AGMO: variants seen among roughly 807,000 people sequenced by gnomAD.
AGMO encodes alkylglycerol monooxygenase.
A neutral mutation model predicts 60.2 loss-of-function variants in AGMO; 75 were observed. That is an observed-to-expected ratio of 1.25 (90% CI 1.03 to 1.51). The LOEUF (loss-of-function observed/expected upper bound fraction) is 1.51. AGMO is among the 40% of genes most tolerant of loss of function. The pLI, the probability that AGMO is intolerant of heterozygous loss-of-function variation, is 0.00. For synonymous variants in AGMO, 261 were observed against 177.1 expected (o/e 1.47, Z -3.76); for missense variants, 763 against 525.5 (o/e 1.45, Z -4.42).
At chr7:15,305,637 T>G (rs776811292) in intron 12 of AGMO, among the ~76,000 whole-genome samples, 28 of 152,192 alleles carry the variant, frequency 1.8e-4, no homozygotes, top group South Asian at 8.3e-4. Context: ...TTTATATGAT[T>G]TGGCTGTATA....
chr7:15,445,043 C>T (rs1346009988), intron 3 of AGMO, among the ~76,000 whole-genome samples: 2 of 152,132 alleles, frequency 1.3e-5, no homozygotes, highest in East Asian at 3.8e-4. Context: ...GTTCTTAGCA[C>T]ATAATCAGGC....
chr7:15,279,710 G>C (rs749003677), intron 12 of AGMO, among the ~76,000 whole-genome samples: 1 of 152,166 alleles, frequency 6.6e-6, no homozygotes, highest in Non-Finnish European at 1.5e-5. Context: ...CCTACACCAT[G>C]AGCCATGCAG....
chr7:15,180,660 T>G, the AGMO span, among the ~76,000 whole-genome samples: 33,444 of 152,094 alleles, frequency 0.22, 4,182 homozygotes, highest in East Asian at 0.48. Flanking sequence ...CCTTGTCTAG[T>G]CTGTTCTTCC....
intron 12 of AGMO, among the ~76,000 whole-genome samples, chr7:15,322,964 T>C (rs1411778292): frequency 1.4e-5 from 1 of 70,748 alleles, no homozygotes; most frequent in African/African-American, 7.1e-5. Flanking sequence ...ATAACACGTG[T>C]GTGTATATAT....
intron 3 of AGMO, among the ~76,000 whole-genome samples, chr7:15,454,226 G>A (rs1781936362): frequency 6.6e-6 from 1 of 152,036 alleles, no homozygotes; most frequent in South Asian, 2.1e-4. Flanking sequence ...AAGTTCCAGA[G>A]GTCTAACATA....
At chr7:15,516,437 T>G (rs976539347) in intron 3 of AGMO, among the ~76,000 whole-genome samples, 1 of 152,238 alleles carries the variant, frequency 6.6e-6, no homozygotes. Flanking sequence ...ATTCAGTTTA[T>G]GACCTTTACT....
intron 3 of AGMO, among the ~76,000 whole-genome samples, chr7:15,493,384 T>G (rs1783127097): frequency 7.3e-6 from 1 of 137,000 alleles, no homozygotes; most frequent in Admixed American, 7.3e-5. Flanking sequence ...TTTTTTTTTT[T>G]TTTTTTTGAG....
At chr7:15,518,378 G>A (rs1350778149) in intron 3 of AGMO, among the ~76,000 whole-genome samples, 5 of 152,154 alleles carry the variant, frequency 3.3e-5, no homozygotes, top group African/African-American at 9.7e-5. Flanking sequence ...CTGACTGGGA[G>A]ACACCTCCCA....
intron 12 of AGMO, among the ~76,000 whole-genome samples, chr7:15,237,220 A>C (rs562022608): frequency 1.3e-5 from 2 of 152,244 alleles, no homozygotes; most frequent in Admixed American, 1.3e-4. Context: ...AGATCCAGTA[A>C]GTGTGCGTGG....
intron 12 of AGMO, among the ~76,000 whole-genome samples, chr7:15,306,859 C>T (rs187978661): frequency 7.2e-5 from 11 of 151,726 alleles, no homozygotes; most frequent in African/African-American, 1.7e-4. Flanking sequence ...AATATTATTA[C>T]AATAAGTTAT....
At position 15,389,363 on chromosome 7, in the gene AGMO, T is replaced by C. The variant is rs538918306; in HGVS notation, c.822+1308A>G. Among the ~76,000 whole-genome samples the C allele has an allele frequency of 5.9e-5, 9 of 152,266 alleles. No homozygotes were observed. In the South Asian group the frequency reaches 6.2e-4, roughly 11 times the overall value. On this transcript the variant is annotated intron_variant, in intron 8 of 12. Transcript: ENST00000342526. ...ACTCCTATATGAAGAAAAGGGAGCT[T>C]TCAGTGTACCATTTCTCAATTGGTT...
rs151189363 is a variant in AGMO at position 15,419,029 on chromosome 7, G to T, written c.514-376C>A. On this transcript the variant is annotated intron_variant, in intron 4 of 12. Coordinates refer to ENST00000342526, the MANE Select transcript of AGMO (RefSeq NM_001004320.2). ...AATGGATGACTTTATACCTTTGACA[G>T]CTCCCAAATTCTGTATTATTACCTG... 4.0e-3 allele frequency among the ~76,000 whole-genome samples: 609 copies of T among 151,826 alleles called. 3 individuals are homozygous for T. The highest frequency in any genetic ancestry group is 0.014 in the African/African-American group (583 of 41,484).
chr7:15,175,558 T>A, the AGMO span, among the ~76,000 whole-genome samples: 1 of 151,916 alleles, frequency 6.6e-6, no homozygotes, highest in Non-Finnish European at 1.5e-5. Flanking sequence ...CTCTCTCCTA[T>A]CTGTGTAAGG....
intron 12 of AGMO, among the ~76,000 whole-genome samples, chr7:15,232,801 G>GCACACACGCACACA (rs1554398740): frequency 1.4e-5 from 2 of 147,024 alleles, no homozygotes; most frequent in Admixed American, 6.8e-5. Flanking sequence ...ACACACACAC[G>GCACACACGCACACA]CACACACACA....
At chr7:15,444,183 A>T (rs1781639743) in intron 3 of AGMO, among the ~76,000 whole-genome samples, 1 of 152,174 alleles carries the variant, frequency 6.6e-6, no homozygotes, top group Non-Finnish European at 1.5e-5. Context: ...TAATCAGGTA[A>T]AATTGGTTCA....
intron 10 of AGMO, among the ~76,000 whole-genome samples, chr7:15,370,203 C>T (rs1278077596): frequency 1.3e-5 from 2 of 152,192 alleles, no homozygotes; most frequent in Admixed American, 1.3e-4. Context: ...TGGCCTCCAG[C>T]TGCATTCACG....
chr7:15,327,740 C>CTTTTT (rs546851399), intron 12 of AGMO, among the ~76,000 whole-genome samples: 22 of 88,024 alleles, frequency 2.5e-4, no homozygotes, highest in South Asian at 8.2e-4. Context: ...TGATTTCTTT[C>CTTTTT]TTTTTTTTTT....
chr7:15,166,102 G>A, the AGMO span, among the ~76,000 whole-genome samples: 1 of 152,130 alleles, frequency 6.6e-6, no homozygotes, highest in Non-Finnish European at 1.5e-5. Flanking sequence ...AGTGACAGAT[G>A]CTAAGTAATA....
chr7:15,362,895 G>A (rs1034766358), intron 12 of AGMO, among the ~76,000 whole-genome samples: 4 of 152,230 alleles, frequency 2.6e-5, no homozygotes, highest in South Asian at 2.1e-4. Context: ...TTACATGGAC[G>A]AAAATGTACC....
Sources: gnomAD v4.1 joint callset for allele counts (sites outside exome capture counted in the v4.1 genomes callset) on GRCh38, gnomAD v4.1.1 for gene constraint, MANE v1.5 for transcripts, NCBI Gene and HGNC (gene_info 2026-07-23, HGNC 2026-07-21) for gene names.